The following TACC1 variants were observed in gnomAD, a reference collection of about 807,000 sequenced individuals.
TACC1 encodes the protein transforming acidic coiled-coil-containing protein 1.
Under a neutral mutation model 84.4 loss-of-function variants are expected in TACC1, and 48 were observed. The ratio of observed to expected loss-of-function variants is 0.57; its 90% confidence interval spans 0.45 to 0.72. TACC1 has a LOEUF of 0.72. Ranked by LOEUF, TACC1 falls within the 30% of genes least tolerant of loss-of-function variation. The pLI, the probability that TACC1 is intolerant of heterozygous loss-of-function variation, is 0.00. For missense variants in TACC1, 920 were observed against 973.0 expected, an observed-to-expected ratio of 0.95 and a Z score of 0.72; for synonymous variants, 372 against 376.3, an observed-to-expected ratio of 0.99 and a Z score of 0.13.
At chr8:38,769,846 G>C (rs111205519) in intron 3 of TACC1, among the ~76,000 whole-genome samples, 156 of 149,206 alleles carry the variant, frequency 1.0e-3, no homozygotes, top group African/African-American at 3.4e-3. Flanking sequence ...TATGGGTTAG[G>C]GGTGTGGTGT....
rs16887766 is a variant in TACC1, at chr8:38,805,999, A to G, written c.278-13523A>G. On this transcript the variant is annotated intron_variant, in intron 2 of 12. Coordinates refer to ENST00000317827, the MANE Select transcript of TACC1 (RefSeq NM_006283.3). ...CACTGCCTTGGTAACCAGGGCTTCTATTCTCTAGTTGTCAGAGGCTTGCTT... is the reference window on the plus strand; with the variant it reads ...CACTGCCTTGGTAACCAGGGCTTCTGTTCTCTAGTTGTCAGAGGCTTGCTT... Among the ~76,000 whole-genome samples the G allele has an allele frequency of 6.5e-3, 997 of 152,294 alleles. 8 individuals carry two copies. The highest frequency in any genetic ancestry group is 0.023 in the African/African-American group (940 of 41,560).
intron 2 of TACC1, among the ~76,000 whole-genome samples, chr8:38,814,366 CGACT>C (rs1251656792): frequency 1.3e-5 from 2 of 152,170 alleles, no homozygotes; most frequent in Admixed American, 1.3e-4. Flanking sequence ...TTTTGATCAA[CGACT>C]GACTGCATAT....
At chr8:38,783,067 TATC>T (rs1449658472), upstream of TACC1, among the ~76,000 whole-genome samples, 8 of 64,550 alleles carry the variant, frequency 1.2e-4, no homozygotes, top group Non-Finnish European at 2.1e-4. Flanking sequence ...GTAGTGTAAA[TATC>T]TATCTATCTA....
At chr8:38,731,763 AC>A (rs1804968903) in intron 1 of TACC1, among the ~76,000 whole-genome samples, 2 of 151,740 alleles carry the variant, frequency 1.3e-5, no homozygotes, top group African/African-American at 4.8e-5. Context: ...AACAACAACA[AC>A]AACAAAACTA....
intron 2 of TACC1, among the ~76,000 whole-genome samples, chr8:38,796,489 T>C (rs1424334763): frequency 6.6e-6 from 1 of 152,220 alleles, no homozygotes; most frequent in Admixed American, 6.5e-5. Context: ...AAATACATCT[T>C]CCACATGTGT....
intron 2 of TACC1, among the ~76,000 whole-genome samples, chr8:38,743,264 A>G (rs1807423916): frequency 6.6e-6 from 1 of 151,538 alleles, no homozygotes; most frequent in African/African-American, 2.4e-5. Flanking sequence ...TAAGACAGAC[A>G]TCAAGGTAGG....
intron 6 of TACC1, among the ~76,000 whole-genome samples, chr8:38,831,456 T>A (rs535028228): frequency 6.6e-6 from 1 of 152,314 alleles, no homozygotes; most frequent in South Asian, 2.1e-4. Flanking sequence ...ATTTTGGATG[T>A]CTTGGGTTAA....
In TACC1 at chr8:38,848,105, A is replaced by T; in HGVS notation, c.*82A>T. On this transcript the variant is annotated 3_prime_UTR_variant, in exon 13 of 13. Coordinates refer to ENST00000317827, the MANE Select transcript of TACC1 (RefSeq NM_006283.3). ...AATTATCTTGCCTTATCCAGGAATA[A>T]TTGCCCCTTTGCAGAGAAAAAAAAA... 7.4e-7 allele frequency: 1 copy of T among 1,343,816 alleles called. No homozygotes were observed. The highest frequency in any genetic ancestry group is 1.0e-6 in the Non-Finnish European group (1 of 962,416). 83.2% of individuals were successfully genotyped at this position (1,343,816 alleles called of 1,614,324 possible). A position where few individuals can be genotyped will look rare whatever the true frequency, so the allele number is the denominator to read the frequency against.
intron 3 of TACC1, among the ~76,000 whole-genome samples, chr8:38,822,266 A>AAAAAAG (rs34949433): frequency 6.8e-6 from 1 of 147,852 alleles, no homozygotes. Flanking sequence ...AAAAAAAAAA[A>AAAAAAG]CTACTATAGG....
chr8:38,775,579 C>G (rs1169279157), intron 3 of TACC1, among the ~76,000 whole-genome samples: 1 of 152,142 alleles, frequency 6.6e-6, no homozygotes. Context: ...AGGGAGCTGT[C>G]TGGGGTCTCT....
intron 6 of TACC1, among the ~76,000 whole-genome samples, chr8:38,835,232 C>T (rs938129124): frequency 6.6e-6 from 1 of 150,680 alleles, no homozygotes; most frequent in Non-Finnish European, 1.5e-5. Context: ...CTAGCCTGGG[C>T]CACAGAGTGA....
At position 38,754,774 on chromosome 8, in the gene TACC1, A is replaced by T. The variant is rs564199849; in HGVS notation, c.26+9281A>T. On this transcript the variant is annotated intron_variant, in intron 3 of 14. Transcript: ENST00000518415. ...ATTTTCCCACTTCAAAATACTGTTTATGTCTACCATGTGTCAACATTCTGG... is the reference window on the plus strand; with the variant it reads ...ATTTTCCCACTTCAAAATACTGTTTTTGTCTACCATGTGTCAACATTCTGG... Among the ~76,000 whole-genome samples the T allele has an allele frequency of 2.8e-3, 432 of 152,360 alleles. 1 individual carries two copies. The highest frequency in any genetic ancestry group is 4.6e-3 in the Non-Finnish European group (313 of 68,028).
At chr8:38,835,929 C>T (rs1830133271) in intron 6 of TACC1, among the ~76,000 whole-genome samples, 1 of 152,204 alleles carries the variant, frequency 6.6e-6, no homozygotes, top group Non-Finnish European at 1.5e-5. Context: ...GAATAAAATT[C>T]TCTAGGTTAT....
chr8:38,831,748 C>T (rs144440478), intron 6 of TACC1, among the ~76,000 whole-genome samples: 16 of 151,802 alleles, frequency 1.1e-4, no homozygotes, highest in African/African-American at 2.9e-4. Flanking sequence ...TGCCCACCTC[C>T]GCCTCCCAAA....
chr8:38,814,546 A>G (rs1346659904), intron 2 of TACC1, among the ~76,000 whole-genome samples: 1 of 152,228 alleles, frequency 6.6e-6, no homozygotes, highest in Non-Finnish European at 1.5e-5. Flanking sequence ...ATAGGTATGT[A>G]GTAAATATAC....
intron 3 of TACC1, among the ~76,000 whole-genome samples, chr8:38,758,310 T>C (rs1168559685): frequency 6.6e-6 from 1 of 152,160 alleles, no homozygotes; most frequent in African/African-American, 2.4e-5. Context: ...TTTCGGAATA[T>C]CCAAATGGCT....
intron 2 of TACC1, among the ~76,000 whole-genome samples, chr8:38,789,775 G>T (rs1818203953): frequency 6.6e-6 from 1 of 152,170 alleles, no homozygotes; most frequent in Non-Finnish European, 1.5e-5. Flanking sequence ...GACAGCACCA[G>T]CCTGCTGCAG....
chr8:38,799,094 G>A (rs1315662567), intron 2 of TACC1, among the ~76,000 whole-genome samples: 4 of 152,184 alleles, frequency 2.6e-5, no homozygotes, highest in Admixed American at 2.0e-4. Flanking sequence ...AAGGGTTGGT[G>A]CCAGAATCAC....
At chr8:38,833,126 G>C (rs1041254113) in intron 6 of TACC1, among the ~76,000 whole-genome samples, 1 of 152,240 alleles carries the variant, frequency 6.6e-6, no homozygotes, top group African/African-American at 2.4e-5. Context: ...TGTGATGGTA[G>C]ATTCTATAAC....
Sources: allele counts gnomAD v4.1 joint callset (sites outside exome capture counted in the v4.1 genomes callset), GRCh38; gene constraint gnomAD v4.1.1; transcripts MANE v1.5; gene names NCBI Gene and HGNC (gene_info 2026-07-23, HGNC 2026-07-21).